Variants in ANO4 observed in about 807,000 individuals in gnomAD.
ANO4 encodes anoctamin 4.
In ANO4, 69 loss-of-function variants were observed where a neutral mutation model predicts 141.9. That is an observed-to-expected ratio of 0.49 (90% CI 0.40 to 0.59). ANO4 has a LOEUF of 0.59. Among genes scored for constraint, ANO4 ranks in the 20% least tolerant of loss-of-function variants. ANO4 has a pLI of 0.00. For missense variants in ANO4, 894 were observed against 1,162.2 expected (o/e 0.77, Z 3.36); for synonymous variants, 350 against 394.3 (o/e 0.89, Z 1.33).
rs1365684188 is a variant in ANO4 at position 101,094,272 on chromosome 12, C to G, written c.1718C>G (p.Ala573Gly). The G allele has an allele frequency of 6.2e-7, 1 of 1,611,216 alleles. No individual in the cohort carries two copies. The highest frequency in any genetic ancestry group is 2.2e-5 in the East Asian group (1 of 44,778). The change falls in exon 18 of 28, where the codon GCC (alanine) becomes GGC (glycine). Residue 573 changes from alanine to glycine, a missense_variant. Coordinates refer to ENST00000392977, the MANE Select transcript of ANO4 (RefSeq NM_001286615.2). ...ATTTTACAGCTCTATGAAAAAGTTG[C>G]CCTGCTTCTGACGAATTTAGGTGAG... ...MLLNVLYEKV[A>G]LLLTNLEQPR... is the part of the protein sequence containing the mutation.
intron 5 of ANO4, among the ~76,000 whole-genome samples, chr12:100,943,242 G>A (rs1272181801): frequency 6.6e-6 from 1 of 152,196 alleles, no homozygotes; most frequent in African/African-American, 2.4e-5. Flanking sequence ...ACTGAATTAT[G>A]TAACTCTTCT....
At chr12:100,897,502 T>C (rs2040403995) in intron 1 of ANO4, among the ~76,000 whole-genome samples, 1 of 152,230 alleles carries the variant, frequency 6.6e-6, no homozygotes, top group Non-Finnish European at 1.5e-5. Context: ...GAAAAGGGAC[T>C]GAAGGGGCAT....
At chr12:100,927,225 A>G (rs1396840721) in intron 3 of ANO4, among the ~76,000 whole-genome samples, 1 of 152,132 alleles carries the variant, frequency 6.6e-6, no homozygotes, top group Non-Finnish European at 1.5e-5. Flanking sequence ...ATGAGGCAGG[A>G]AAGTGGGAGT....
At chr12:100,879,694 G>T (rs1160476257) in intron 1 of ANO4, among the ~76,000 whole-genome samples, 1 of 152,150 alleles carries the variant, frequency 6.6e-6, no homozygotes, top group Non-Finnish European at 1.5e-5. Context: ...GACATGGTAG[G>T]CATCCAACAA....
chr12:101,021,653 C>T (rs995630377), intron 9 of ANO4, among the ~76,000 whole-genome samples: 7 of 152,088 alleles, frequency 4.6e-5, no homozygotes, highest in Admixed American at 3.9e-4. Context: ...TCAGCCAAAT[C>T]CAGCAAGATG....
intron 3 of ANO4, among the ~76,000 whole-genome samples, chr12:100,745,283 C>T (rs907940941): frequency 1.2e-4 from 18 of 152,234 alleles, no homozygotes; most frequent in African/African-American, 4.3e-4. Context: ...TCTTATTCTT[C>T]AAACTCAATT....
intron 2 of ANO4, among the ~76,000 whole-genome samples, chr12:100,736,446 G>C (rs1279615845): frequency 6.6e-6 from 1 of 152,166 alleles, no homozygotes; most frequent in Non-Finnish European, 1.5e-5. Context: ...GGACATATGA[G>C]AGTAAGAGCT....
intron 1 of ANO4, among the ~76,000 whole-genome samples, chr12:100,858,810 T>G (rs1371338678): frequency 6.6e-6 from 1 of 152,114 alleles, no homozygotes; most frequent in East Asian, 1.9e-4. Context: ...CCTGCTTCTT[T>G]TTCTGCTTCC....
chr12:100,752,994 G>C (rs1273295530), intron 3 of ANO4, among the ~76,000 whole-genome samples: 1 of 152,162 alleles, frequency 6.6e-6, no homozygotes, highest in Non-Finnish European at 1.5e-5. Context: ...GATCTAGGTT[G>C]TCCTCAATGG....
chr12:100,922,180 C>T (rs2041662430), intron 2 of ANO4, 46 bp from the exon 3 acceptor site: 1 of 1,387,210 alleles, frequency 7.2e-7, no homozygotes, highest in Non-Finnish European at 9.6e-7. Flanking sequence ...ATGACAGACT[C>T]TCTGATAACC....
At chr12:100,939,159 A>G (rs73391769) in intron 3 of ANO4, among the ~76,000 whole-genome samples, 156 bp from the exon 4 acceptor site, 3,174 of 152,268 alleles carry the variant, frequency 0.021, 122 homozygotes, top group African/African-American at 0.072. Context: ...TTTATGTCTG[A>G]CATACTTTTC....
chr12:100,744,097 G>T (rs1271195049), intron 3 of ANO4, among the ~76,000 whole-genome samples: 1 of 152,114 alleles, frequency 6.6e-6, no homozygotes, highest in Non-Finnish European at 1.5e-5. Context: ...TTTCATGTCT[G>T]ATTTCTCTGA....
At chr12:100,759,415 T>C (rs959280165) in intron 3 of ANO4, among the ~76,000 whole-genome samples, 1 of 152,190 alleles carries the variant, frequency 6.6e-6, no homozygotes, top group Non-Finnish European at 1.5e-5. Context: ...CAATGATGAA[T>C]TCTTATCTTG....
At chr12:100,792,660 A>G (rs1338857079), upstream of ANO4, among the ~76,000 whole-genome samples, 2 of 152,220 alleles carry the variant, frequency 1.3e-5, no homozygotes, top group African/African-American at 2.4e-5. Context: ...ATCAATTGTC[A>G]TATAGATGTG....
intron 5 of ANO4, among the ~76,000 whole-genome samples, chr12:100,970,763 G>T (rs2043897926): frequency 1.4e-5 from 2 of 145,980 alleles, no homozygotes; most frequent in South Asian, 4.3e-4. Context: ...TTGTTGCCCA[G>T]ATTAGAGTGC....
intron 14 of ANO4, chr12:101,068,308 G>T: frequency 7.5e-7 from 1 of 1,339,172 alleles, no homozygotes; most frequent in Non-Finnish European, 1.1e-6. Context: ...CTCCTACGAA[G>T]GCTGACTTCA....
chr12:100,833,165 G>GA (rs1008730789), intron 1 of ANO4, among the ~76,000 whole-genome samples: 9 of 152,108 alleles, frequency 5.9e-5, no homozygotes, highest in African/African-American at 9.6e-5. Context: ...TAATGAAAAT[G>GA]AAAAAATGTA....
chr12:100,728,776 T>G (rs2136783401), intron 1 of ANO4, among the ~76,000 whole-genome samples: 1 of 152,340 alleles, frequency 6.6e-6, no homozygotes, highest in African/African-American at 2.4e-5. Context: ...ATTCTAGGTT[T>G]GCCCTGCCAT....
chr12:100,998,536 C>A (rs1285510281), intron 8 of ANO4, among the ~76,000 whole-genome samples: 2 of 152,138 alleles, frequency 1.3e-5, no homozygotes, highest in African/African-American at 2.4e-5. Context: ...GATCAAAAAG[C>A]AAATAACATC....
Sources: allele counts gnomAD v4.1 joint callset (sites outside exome capture counted in the v4.1 genomes callset), GRCh38; gene constraint gnomAD v4.1.1; transcripts MANE v1.5; gene names NCBI Gene and HGNC (gene_info 2026-07-23, HGNC 2026-07-21).